Variants in MYO7A observed in about 807,000 individuals in gnomAD.
MYO7A encodes the protein unconventional myosin-VIIa.
Under a neutral mutation model 263.8 loss-of-function variants are expected in MYO7A, and 210 were observed. The ratio of observed to expected loss-of-function variants is 0.80; its 90% confidence interval spans 0.71 to 0.89. MYO7A has a LOEUF of 0.89. MYO7A is among the 40% of genes least tolerant of loss of function. MYO7A has a pLI of 0.00. For missense variants in MYO7A, 2,820 were observed against 2,968.3 expected, an observed-to-expected ratio of 0.95 and a Z score of 1.16; for synonymous variants, 1,239 against 1,197.3, an observed-to-expected ratio of 1.03 and a Z score of -0.72.
At position 77,155,965 on chromosome 11, in the gene MYO7A, C is replaced by T. The variant is rs567274631; in HGVS notation, c.344C>T (p.Ser115Leu). 17 of 1,612,728 alleles carry T rather than the reference C, an allele frequency of 1.1e-5. No homozygotes were observed. The highest frequency in any genetic ancestry group is 6.7e-5 in the East Asian group (3 of 44,848). ...CCCTACCAGCTGCTCTCCATCTACT[C>T]GCCAGAGCACATCCGCCAGTATACC... ...VNPYQLLSIY[S>L]PEHIRQYTNK... Residue 115 changes from serine to leucine, a missense_variant, in exon 5 of 49, where the codon TCG becomes TTG. Coordinates refer to ENST00000409709, the MANE Select transcript of MYO7A (RefSeq NM_000260.4).
rs1555090376 is a variant in MYO7A at position 77,189,427 on chromosome 11, C to A, written c.3587C>A (p.Ser1196Tyr). The A allele has an allele frequency of 1.2e-6, 2 of 1,613,944 alleles. No individual in the cohort carries two copies. The highest frequency in any genetic ancestry group is 1.1e-5 in the South Asian group (1 of 91,080). Reference sequence around the variant, plus strand: ...TATGCCCGGGGCTGGATTCTCGTGTCTCTCTGCGTGGGCTGTTTCGCCCCC... The same window carrying A: ...TATGCCCGGGGCTGGATTCTCGTGTATCTCTGCGTGGGCTGTTTCGCCCCC... ...SSYARGWILVSLCVGCFAPSE... is the reference protein window; with the variant it reads ...SSYARGWILVYLCVGCFAPSE... The change falls in exon 28 of 49, where the codon TCT (serine) becomes TAT (tyrosine). Residue 1196 changes from serine (S) to tyrosine (Y), a missense_variant. Transcript: ENST00000409709.
chr11:77,131,491 G>A (rs1389905181), intron 2 of MYO7A, among the ~76,000 whole-genome samples: 1 of 152,234 alleles, frequency 6.6e-6, no homozygotes, highest in South Asian at 2.1e-4. Context: ...TATCCCAGGG[G>A]CTGGAGGAGA....
intron 14 of MYO7A, among the ~76,000 whole-genome samples, chr11:77,165,717 A>G (rs535158023): frequency 6.6e-6 from 1 of 152,280 alleles, no homozygotes; most frequent in Non-Finnish European, 1.5e-5. Context: ...CAGGTGACAC[A>G]CTTACTTAAC....
At chr11:77,194,635 C>T (rs1956504757) in intron 32 of MYO7A, 111 bp downstream of exon 32, 3 of 1,148,398 alleles carry the variant, frequency 2.6e-6, no homozygotes, top group African/African-American at 3.1e-5. Context: ...GGGATGGCAC[C>T]TTCCAGTGGC....
chr11:77,174,689 A>C, intron 16 of MYO7A, 67 bp from the exon 17 acceptor site: 1 of 1,502,360 alleles, frequency 6.7e-7, no homozygotes, highest in Non-Finnish European at 8.9e-7. Context: ...GGGTTGGTCA[A>C]GTGCACAGCA....
chr11:77,212,947 T>C lies in MYO7A; in HGVS notation c.6355-5T>C. On this transcript the variant is annotated splice_region_variant and splice_polypyrimidine_tract_variant and intron_variant, in intron 46 of 48. Coordinates refer to ENST00000409709, the MANE Select transcript of MYO7A (RefSeq NM_000260.4). ...CATCTGATGCCTTCTCATCTTTTTTTCTAGCAAACTACGGAGCCAAACTTC... is the reference window on the plus strand; with the variant it reads ...CATCTGATGCCTTCTCATCTTTTTTCCTAGCAAACTACGGAGCCAAACTTC... The C allele has an allele frequency of 6.3e-7, 1 of 1,586,946 alleles. No individual in the cohort carries two copies. The highest frequency in any genetic ancestry group is 8.6e-7 in the Non-Finnish European group (1 of 1,165,580).
At chr11:77,147,348 A>C (rs1461386980) in intron 3 of MYO7A, among the ~76,000 whole-genome samples, 1 of 151,988 alleles carries the variant, frequency 6.6e-6, no homozygotes, top group Non-Finnish European at 1.5e-5. Context: ...ACTCTCCACC[A>C]CATACACCTG....
Position 77,208,778 on chromosome 11 carries a change from C to G in MYO7A, c.6026C>G (p.Ala2009Gly). Residue 2009 changes from alanine (A) to glycine (G), a missense_variant, in exon 44 of 49, where the codon GCC becomes GGC. Transcript: ENST00000409709. ...ACGGTGCCAGGGAAGGATCCCATGGCCGATTCCATCTTCCACTATTACCAG... is the reference window on the plus strand; with the variant it reads ...ACGGTGCCAGGGAAGGATCCCATGGGCGATTCCATCTTCCACTATTACCAG... ...TTTVPGKDPM[A>G]DSIFHYYQEL... 1 of 1,571,422 alleles carries G rather than the reference C, an allele frequency of 6.4e-7. No individual in the cohort carries two copies. Among genetic ancestry groups the G allele is most frequent in the Non-Finnish European group, 8.6e-7 (1 of 1,157,860 alleles).
chr11:77,152,680 A>G lies in MYO7A; in HGVS notation c.286-3227A>G, dbSNP rs562446989. Reference sequence around the variant, plus strand: ...GGCCGCTCAGCAAACGTTGCTGAGCATCTCTTATGTGCCGTGCATGGTGCC... The same window carrying G: ...GGCCGCTCAGCAAACGTTGCTGAGCGTCTCTTATGTGCCGTGCATGGTGCC... On this transcript the variant is annotated intron_variant, in intron 4 of 48. Coordinates refer to ENST00000409709, the MANE Select transcript of MYO7A (RefSeq NM_000260.4). Among the ~76,000 whole-genome samples the G allele has an allele frequency of 2.0e-5, 3 of 152,106 alleles. No homozygotes were observed. The South Asian group carries it at 6.2e-4, about 32-fold the overall frequency.
Position 77,180,434 on chromosome 11 carries a change from G to C in MYO7A, c.2647G>C (p.Glu883Gln). The C allele has an allele frequency of 1.2e-6, 2 of 1,612,432 alleles. No homozygotes were observed. Among genetic ancestry groups the C allele is most frequent in the Non-Finnish European group, 1.7e-6 (2 of 1,179,788 alleles). The change falls in exon 22 of 49, where the codon GAG (glutamate) becomes CAG (glutamine). Residue 883 changes from glutamate to glutamine, a missense_variant. Coordinates refer to ENST00000409709, the MANE Select transcript of MYO7A (RefSeq NM_000260.4). ...RLAEEEKLRK[E>Q]MSAKKAKEEA... ...GGCGGAGGAAGAGAAGCTTCGGAAG[G>C]AGATGAGCGCCAAGAAGGCCAAGGA... is the stretch of plus-strand genomic sequence containing the variant.
At position 77,161,024 on chromosome 11, in the gene MYO7A, A is replaced by G. The variant is rs1555068366; in HGVS notation, c.1252A>G (p.Ile418Val). 1 of 1,613,472 alleles carries G rather than the reference A, an allele frequency of 6.2e-7. No individual in the cohort carries two copies. Among genetic ancestry groups the G allele is most frequent in the Admixed American group, 1.7e-5 (1 of 59,966 alleles). ...VWIVDKINAA[I>V]YKPPSQDVKN... Reference sequence around the variant, plus strand: ...GATTGTGGACAAGATCAACGCAGCAATTTACAAGCCTCCCTCCCAGGATGT... The same window carrying G: ...GATTGTGGACAAGATCAACGCAGCAGTTTACAAGCCTCCCTCCCAGGATGT... Residue 418 changes from isoleucine to valine, a missense_variant, in exon 12 of 49, where the codon ATT becomes GTT. Coordinates refer to ENST00000409709, the MANE Select transcript of MYO7A (RefSeq NM_000260.4).
At chr11:77,190,216 CA>C in intron 29 of MYO7A, 77 bp downstream of exon 29, 1 of 1,332,798 alleles carries the variant, frequency 7.5e-7, no homozygotes, top group Admixed American at 2.8e-5. Context: ...GTGTCCAGTG[CA>C]CTCGAGTGCC....
Position 77,195,340 on chromosome 11 carries a change from C to T in MYO7A, c.4323+816C>T, listed in dbSNP as rs570131513. ...GAACCCCACTTCAGAGGAGGAGCGT[C>T]TCCTCCCTGCCACCCCTCTGTCCCT... On this transcript the variant is annotated intron_variant, in intron 32 of 48. Transcript: ENST00000409709. Among the ~76,000 whole-genome samples the T allele has an allele frequency of 1.7e-4, 26 of 152,180 alleles. 1 individual carries two copies. The South Asian group carries it at 5.0e-3, about 29-fold the overall frequency.
intron 15 of MYO7A, among the ~76,000 whole-genome samples, chr11:77,170,109 T>C (rs1253690446): frequency 1.3e-5 from 2 of 151,968 alleles, no homozygotes; most frequent in Non-Finnish European, 2.9e-5. Context: ...AATAAATAAG[T>C]AAAACCTGCA....
At chr11:77,149,251 C>T (rs1951803938) in intron 4 of MYO7A, among the ~76,000 whole-genome samples, 2 of 152,118 alleles carry the variant, frequency 1.3e-5, no homozygotes, top group Non-Finnish European at 2.9e-5. Context: ...TGATGCAGGG[C>T]TGGCCTGATT....
At position 77,179,715 on chromosome 11, in the gene MYO7A, T is replaced by C. The variant is rs1955004474; in HGVS notation, c.2368-20T>C. The stretch of plus-strand genomic sequence containing the variant: ...GGAATGGGACAGCAGGCTCTGAGCA[T>C]GGGGTGGCTGTCCTTGCAGATGCGT... On this transcript the variant is annotated intron_variant, in intron 20 of 48. Transcript: ENST00000409709. 6.6e-7 allele frequency: 1 copy of C among 1,517,036 alleles called. No individual in the cohort carries two copies. Among genetic ancestry groups the C allele is most frequent in the Non-Finnish European group, 8.9e-7 (1 of 1,126,418 alleles). 94.0% of individuals were successfully genotyped at this position (1,517,036 alleles called of 1,614,324 possible).
intron 42 of MYO7A, 30 bp from the exon 43 acceptor site, chr11:77,208,400 C>T (rs1957605916): frequency 1.9e-6 from 3 of 1,549,098 alleles, no homozygotes; most frequent in East Asian, 4.5e-5. Flanking sequence ...GTTGCTTAAA[C>T]TGAGTGTGCT....
intron 14 of MYO7A, 39 bp from the exon 15 acceptor site, chr11:77,166,017 C>A: frequency 6.6e-7 from 1 of 1,508,552 alleles, no homozygotes; most frequent in Non-Finnish European, 9.2e-7. Flanking sequence ...GAGGGCCTGC[C>A]AGAGCTGGTG....
Position 77,157,008 on chromosome 11 carries a change from G to GAAAA in MYO7A, c.735+4_735+5insAAAA. 6.2e-7 allele frequency: 1 copy of GAAAA among 1,612,010 alleles called. No individual in the cohort carries two copies. The highest frequency in any genetic ancestry group is 8.5e-7 in the Non-Finnish European group (1 of 1,179,080). On this transcript the variant is annotated splice_donor_region_variant and intron_variant, in intron 7 of 48. Transcript: ENST00000409709. ...AAAGTCACGTGTCTGTCGCCAGGTG[G>GAAAA]GCCTGAGCCCCAGGGATGCAGGAAT...
Sources: allele counts gnomAD v4.1 joint callset (sites outside exome capture counted in the v4.1 genomes callset), GRCh38; gene constraint gnomAD v4.1.1; transcripts MANE v1.5; gene names NCBI Gene and HGNC (gene_info 2026-07-23, HGNC 2026-07-21).